GPR158: variants seen among roughly 807,000 people sequenced by gnomAD.
The protein encoded by GPR158 is G protein-coupled receptor 158.
GPR158 carries 30 observed loss-of-function variants against 78.2 expected under a neutral mutation model. The ratio of observed to expected loss-of-function variants is 0.38; its 90% CI spans 0.29 to 0.52. The LOEUF (loss-of-function observed/expected upper bound fraction) is 0.52. Ranked by LOEUF, GPR158 falls within the 20% of genes least tolerant of loss-of-function variation. The pLI, the probability that GPR158 is intolerant of heterozygous loss-of-function variation, is 0.83. For missense variants in GPR158, 1,463 were observed against 1,523.5 expected (o/e 0.96, Z 0.66); for synonymous variants, 581 against 591.1 (o/e 0.98, Z 0.25).
chr10:25,483,661 A>T (rs113849643), intron 5 of GPR158, among the ~76,000 whole-genome samples: 4,618 of 152,260 alleles, frequency 0.03, 118 homozygotes, highest in African/African-American at 0.068. Context: ...CACCTGGAAC[A>T]GTGCCTAATA....
At chr10:25,300,276 G>A (rs926842081) in intron 2 of GPR158, among the ~76,000 whole-genome samples, 12 of 152,258 alleles carry the variant, frequency 7.9e-5, no homozygotes, top group Admixed American at 1.3e-4. Flanking sequence ...ACGTTCCATG[G>A]CTTCTGGCTC....
intron 6 of GPR158, among the ~76,000 whole-genome samples, chr10:25,552,032 G>A (rs1277124479): frequency 1.3e-5 from 2 of 151,846 alleles, no homozygotes; most frequent in African/African-American, 4.8e-5. Flanking sequence ...TTCTCTTTTG[G>A]TACTTAATTG....
At chr10:25,316,925 ATGTGTG>A (rs757331504) in intron 2 of GPR158, among the ~76,000 whole-genome samples, 1 of 90,578 alleles carries the variant, frequency 1.1e-5, no homozygotes, top group African/African-American at 3.4e-5. Flanking sequence ...GTGTGTGTGT[ATGTGTG>A]TGTATATATA....
At chr10:25,374,267 T>C (rs888036507) in intron 2 of GPR158, among the ~76,000 whole-genome samples, 2 of 151,536 alleles carry the variant, frequency 1.3e-5, no homozygotes, top group Non-Finnish European at 3.0e-5. Context: ...TTTATAATAA[T>C]TATCAATTCA....
Position 25,433,690 on chromosome 10 carries a change from C to CTTTTTTTTTTTTTTTTTT in GPR158, c.1335+21220_1335+21221insTTTTTTTTTTTTTTTTTT, listed in dbSNP as rs776105443. Among the ~76,000 whole-genome samples, 10 of 93,256 alleles carry CTTTTTTTTTTTTTTTTTT rather than the reference C, an allele frequency of 1.1e-4. 2 individuals are homozygous for CTTTTTTTTTTTTTTTTTT. The highest frequency in any genetic ancestry group is 1.4e-4 in the Non-Finnish European group (6 of 43,302). The allele number at this position is 93,256 out of a possible 152,430, so 61.2% of individuals were successfully genotyped here. ...GGCATTTTCCTTTCTTTCTTTCTTT[C>CTTTTTTTTTTTTTTTTTT]TTTCTTTTTTTTTTTTTTTTTGGTA... On this transcript the variant is annotated intron_variant, in intron 4 of 10. Transcript: ENST00000376351.
At chr10:25,202,710 AAC>A (rs1852951670) in intron 1 of GPR158, among the ~76,000 whole-genome samples, 8 of 152,338 alleles carry the variant, frequency 5.3e-5, no homozygotes, top group East Asian at 1.9e-4. Flanking sequence ...TGCTGCAATA[AAC>A]ATACGTGTGC....
At chr10:25,249,297 C>T (rs974487923) in intron 2 of GPR158, among the ~76,000 whole-genome samples, 2 of 152,164 alleles carry the variant, frequency 1.3e-5, no homozygotes, top group Non-Finnish European at 2.9e-5. Context: ...ATTGAATACC[C>T]TTTATTTCCT....
At chr10:25,521,526 G>C (rs1036373837) in intron 5 of GPR158, among the ~76,000 whole-genome samples, 2 of 152,098 alleles carry the variant, frequency 1.3e-5, no homozygotes, top group African/African-American at 2.4e-5. Flanking sequence ...TTCTTTTTCT[G>C]GCAACTTAGA....
intron 2 of GPR158, among the ~76,000 whole-genome samples, chr10:25,387,326 C>T (rs943265527): frequency 6.6e-6 from 1 of 152,126 alleles, no homozygotes; most frequent in African/African-American, 2.4e-5. Context: ...ATGAATCCCA[C>T]TTGTTTGTGG....
chr10:25,541,928 A>G (rs985131211), intron 5 of GPR158, among the ~76,000 whole-genome samples: 2 of 147,742 alleles, frequency 1.4e-5, no homozygotes, highest in Non-Finnish European at 3.0e-5. Context: ...ATTATATTAT[A>G]TATTATATTT....
chr10:25,527,386 A>G (rs1466149074), intron 5 of GPR158, among the ~76,000 whole-genome samples: 1 of 152,212 alleles, frequency 6.6e-6, no homozygotes, highest in Non-Finnish European at 1.5e-5. Context: ...ATGGAGATAA[A>G]AAAAGAATAT....
chr10:25,430,946 G>A (rs1222024892), intron 4 of GPR158, among the ~76,000 whole-genome samples: 1 of 148,120 alleles, frequency 6.8e-6, no homozygotes, highest in Non-Finnish European at 1.5e-5. Flanking sequence ...CAGGACATAG[G>A]CATGGGCAAG....
At chr10:25,241,129 CTTTCTTTCTTTCTTTCTTTCTT>C (rs1440729154) in intron 2 of GPR158, among the ~76,000 whole-genome samples, 6 of 39,134 alleles carry the variant, frequency 1.5e-4, no homozygotes, top group South Asian at 6.6e-4. Context: ...CTTTGATTTT[CTTTCTTTCTTTCTTTCTTTCTT>C]TCTTTCTTTC....
chr10:25,521,832 C>T (rs142230917), intron 5 of GPR158, among the ~76,000 whole-genome samples: 389 of 152,234 alleles, frequency 2.6e-3, no homozygotes, highest in African/African-American at 9.0e-3. Flanking sequence ...AAAAATCCTA[C>T]AGATATTAGT....
chr10:25,207,433 A>G (rs965037928), intron 1 of GPR158, among the ~76,000 whole-genome samples: 4 of 152,056 alleles, frequency 2.6e-5, no homozygotes, highest in East Asian at 3.9e-4. Flanking sequence ...GAGGAAGACA[A>G]TTTTTCCATC....
intron 6 of GPR158, among the ~76,000 whole-genome samples, chr10:25,571,735 C>T (rs781275535): frequency 1.3e-5 from 2 of 152,028 alleles, no homozygotes; most frequent in Non-Finnish European, 2.9e-5. Flanking sequence ...ATTTTGTCTT[C>T]AGAAAATATT....
chr10:25,330,197 T>A (rs1468131329), intron 2 of GPR158, among the ~76,000 whole-genome samples: 1 of 152,184 alleles, frequency 6.6e-6, no homozygotes, highest in Non-Finnish European at 1.5e-5. Flanking sequence ...CATCTGTGTT[T>A]ATTTCCTTTA....
chr10:25,278,844 T>G (rs972347925), intron 2 of GPR158, among the ~76,000 whole-genome samples: 15 of 151,838 alleles, frequency 9.9e-5, no homozygotes, highest in African/African-American at 3.1e-4. Context: ...ATAAAAAGCT[T>G]AGGGCACTTA....
intron 1 of GPR158, among the ~76,000 whole-genome samples, chr10:25,220,682 T>C (rs574779093): frequency 6.6e-6 from 1 of 152,346 alleles, no homozygotes; most frequent in South Asian, 2.1e-4. Context: ...GAAGGCTTTA[T>C]TTTAATTTAC....
Sources: gnomAD v4.1 joint callset for allele counts (sites outside exome capture counted in the v4.1 genomes callset) on GRCh38, gnomAD v4.1.1 for gene constraint, MANE v1.5 for transcripts, NCBI Gene and HGNC (gene_info 2026-07-23, HGNC 2026-07-21) for gene names.